The following RBM42 variants were observed in gnomAD, a reference collection of about 807,000 sequenced individuals.
RBM42 encodes the protein RNA binding motif protein 42, also known as RNA-binding protein 42.
RBM42 carries 21 observed loss-of-function variants against 41.4 expected under a neutral mutation model. The ratio of observed to expected loss-of-function variants is 0.51; its 90% CI spans 0.36 to 0.73. RBM42 has a LOEUF of 0.73. Among genes scored for constraint, RBM42 ranks in the 30% least tolerant of loss-of-function variants. RBM42 has a pLI of 0.00. For missense variants in RBM42, 539 were observed against 680.4 expected, an observed-to-expected ratio of 0.79 and a Z score of 2.31; for synonymous variants, 272 against 271.2, an observed-to-expected ratio of 1.00 and a Z score of -0.03.
Position 35,629,501 on chromosome 19 carries a change from G to A in RBM42, c.129-19G>A, listed in dbSNP as rs1599604538. On this transcript the variant is annotated intron_variant, in intron 1 of 9. Coordinates refer to ENST00000262633, the MANE Select transcript of RBM42 (RefSeq NM_024321.5). ...TTGGTACGAGGTCCTGAGCGCTGAT[G>A]TCTGTTCTACTCCTCCAGGTTTGAG... 1 of 1,613,876 alleles carries A rather than the reference G, an allele frequency of 6.2e-7. No individual in the cohort carries two copies. Among genetic ancestry groups the A allele is most frequent in the Non-Finnish European group, 8.5e-7 (1 of 1,179,834 alleles).
At chr19:35,633,467 G>T (rs929653504) in intron 6 of RBM42, among the ~76,000 whole-genome samples, 6 of 152,210 alleles carry the variant, frequency 3.9e-5, no homozygotes, top group Admixed American at 6.5e-5. Context: ...CATGCTATTG[G>T]AATATTTCTC....
At position 35,629,282 on chromosome 19, in the gene RBM42, G is replaced by A. The variant is rs761295039; in HGVS notation, c.128+1G>A. On this transcript the variant is annotated splice_donor_variant, in intron 1 of 9. Transcript: ENST00000262633. LOFTEE classifies it high-confidence loss of function. Reference sequence around the variant, plus strand: ...AGGAAATGGAGGCGGAGATGGCCCTGTAAGGCCCGCGACAGAGAGTGATAA... The same window carrying A: ...AGGAAATGGAGGCGGAGATGGCCCTATAAGGCCCGCGACAGAGAGTGATAA... 2 of 1,526,272 alleles carry A rather than the reference G, an allele frequency of 1.3e-6. No homozygotes were observed. Among genetic ancestry groups the A allele is most frequent in the Non-Finnish European group, 1.8e-6 (2 of 1,140,268 alleles). The allele number at this position is 1,526,272 out of a possible 1,614,324, so 94.5% of individuals were successfully genotyped here.
At chr19:35,636,613 T>C (rs915807052) in intron 8 of RBM42, among the ~76,000 whole-genome samples, 3 of 152,132 alleles carry the variant, frequency 2.0e-5, no homozygotes, top group Admixed American at 6.6e-5. Context: ...GCAGGCAGCA[T>C]GTCCAGGTCT....
intron 8 of RBM42, among the ~76,000 whole-genome samples, 172 bp from the exon 9 acceptor site, chr19:35,636,986 C>T (rs548963849): frequency 6.6e-6 from 1 of 152,052 alleles, no homozygotes; most frequent in South Asian, 2.1e-4. Context: ...ATGGAAACAC[C>T]CCTCCAGGTG....
rs762886353 is a variant in RBM42 at position 35,637,327 on chromosome 19, C to A, written c.1305C>A (p.Tyr435Ter). The A allele has an allele frequency of 8.1e-6, 13 of 1,614,246 alleles. No homozygotes were observed. Among genetic ancestry groups the A allele is most frequent in the Admixed American group, 1.7e-5 (1 of 60,034 alleles). The change falls in exon 9 of 10, where the codon TAC becomes TAA. Residue 435 changes from tyrosine (Y) to a stop codon, truncating the protein, a stop_gained. Coordinates refer to ENST00000262633, the MANE Select transcript of RBM42 (RefSeq NM_024321.5). LOFTEE classifies it high-confidence loss of function. The surrounding 1 kb of genome is among the most constrained non-coding windows in gnomAD (Gnocchi z 7.0). ...GFVSFKDPSDYVRAMREMNGK... is the reference protein window; with the variant it reads ...GFVSFKDPSD The stretch of plus-strand genomic sequence containing the variant: ...TCAGCTTCAAGGACCCCAGCGACTA[C>A]GTGCGCGCCATGCGTGAGATGAATG...
Position 35,633,082 on chromosome 19 carries a change from G to A in RBM42, c.514G>A (p.Ala172Thr), listed in dbSNP as rs748705260. 2.2e-5 allele frequency: 35 copies of A among 1,612,318 alleles called. No homozygotes were observed. The highest frequency in any genetic ancestry group is 1.6e-4 in the Middle Eastern group (1 of 6,082). The change falls in exon 6 of 10, where the codon GCT (alanine) becomes ACT (threonine). Residue 172 changes from alanine to threonine, a missense_variant. Coordinates refer to ENST00000262633, the MANE Select transcript of RBM42 (RefSeq NM_024321.5). ...CCCCACTAACACCCTGACAGATTCC[G>A]CTCTCTCCTCTGCAGCAGCCGGCCC... Reference protein sequence around the residue: ...VPHVLQRADSALSSAAAGPRP... With the variant: ...VPHVLQRADSTLSSAAAGPRP...
intron 4 of RBM42, 60 bp from the exon 5 acceptor site, chr19:35,632,876 C>A: frequency 1.3e-6 from 1 of 780,746 alleles, no homozygotes. Flanking sequence ...TGCACACACA[C>A]ACCTTGTCCC....
Position 35,633,669 on chromosome 19 carries a change from C to T in RBM42, c.685-18C>T, listed in dbSNP as rs375788535. On this transcript the variant is annotated intron_variant, in intron 6 of 9. Transcript: ENST00000262633. The stretch of plus-strand genomic sequence containing the variant: ...AGCCTGTGAGCCGGCCCCCCTCATG[C>T]TCTCCTCTTACCCACAGGAAGAGCC... 7.0e-7 allele frequency: 1 copy of T among 1,424,494 alleles called. No individual in the cohort carries two copies. Among genetic ancestry groups the T allele is most frequent in the African/African-American group, 1.5e-5 (1 of 67,184 alleles). The allele number at this position is 1,424,494 out of a possible 1,614,324, so 88.2% of individuals were successfully genotyped here.
chr19:35,631,885 T>A, intron 4 of RBM42: 1 of 162,618 alleles, frequency 6.1e-6, no homozygotes, highest in East Asian at 1.9e-4. Context: ...CGAACATTTC[T>A]GGGATGTGCC....
chr19:35,630,765 CA>C (rs1318282625), intron 2 of RBM42, among the ~76,000 whole-genome samples: 1 of 151,656 alleles, frequency 6.6e-6, no homozygotes, highest in Non-Finnish European at 1.5e-5. Flanking sequence ...GACTCCGTCT[CA>C]AAAAAAAGAC....
At chr19:35,629,783 C>T (rs1967373201) in intron 2 of RBM42, 110 bp downstream of exon 2, 1 of 1,161,820 alleles carries the variant, frequency 8.6e-7, no homozygotes, top group Non-Finnish European at 1.2e-6. Flanking sequence ...ATTAGCATGA[C>T]AAATATTTTA....
intron 4 of RBM42, chr19:35,631,616 T>C (rs2146349503): frequency 1.7e-6 from 1 of 594,434 alleles, no homozygotes; most frequent in South Asian, 2.0e-5. Context: ...CTGCTGTCAG[T>C]CCTAATTCCC....
intron 4 of RBM42, 56 bp downstream of exon 4, chr19:35,631,461 T>C: frequency 1.3e-6 from 2 of 1,507,208 alleles, no homozygotes; most frequent in Non-Finnish European, 1.8e-6. Context: ...TTTACATGAC[T>C]TCAGCCTCTT....
rs1055850244 is a variant in RBM42, at chr19:35,631,624, C to A, written c.442+219C>A. On this transcript the variant is annotated intron_variant, in intron 4 of 9. Transcript: ENST00000262633. ...AACCCTCCTGCTGTCAGTCCTAATT[C>A]CCAGTTACCACAGCACTTAACACCT... The A allele has an allele frequency of 8.4e-6, 5 of 592,016 alleles. No homozygotes were observed. In the East Asian group the frequency reaches 1.1e-4, roughly 13 times the overall value. The allele number at this position is 592,016 out of a possible 1,614,324, so 36.7% of individuals were successfully genotyped here.
intron 8 of RBM42, among the ~76,000 whole-genome samples, chr19:35,636,126 G>A (rs1306702878): frequency 1.3e-5 from 2 of 151,120 alleles, no homozygotes; most frequent in African/African-American, 4.9e-5. Flanking sequence ...AAGTCACTTA[G>A]CCTGGTTTTG....
chr19:35,637,656 C>T lies in RBM42; in HGVS notation c.*102C>T. The T allele has an allele frequency of 1.1e-6, 1 of 874,530 alleles. No homozygotes were observed. The highest frequency in any genetic ancestry group is 1.8e-6 in the Non-Finnish European group (1 of 558,802). 54.2% of individuals were successfully genotyped at this position (874,530 alleles called of 1,614,324 possible). On this transcript the variant is annotated 3_prime_UTR_variant, in exon 10 of 10. Transcript: ENST00000262633. The surrounding 1 kb of genome is among the most constrained non-coding windows in gnomAD (Gnocchi z 7.0). ...TGTCCACCCATCCCCTGCCCCAAAA[C>T]CAGTTTCAATAAATTTACGTTCATT...
chr19:35,629,637 G>A lies in RBM42; in HGVS notation c.246G>A (p.Val82=), dbSNP rs200853423. ...VEAMQVPAAP[V]IRPIIATNTY... ...CGATGCAGGTCCCAGCGGCTCCTGT[G>A]ATCCGCCCAATTATCGCGACCAACA... The change falls in exon 2 of 10, where the codon GTG becomes GTA. Residue 82 remains valine (V), a synonymous_variant. Coordinates refer to ENST00000262633, the MANE Select transcript of RBM42 (RefSeq NM_024321.5). 1.2e-6 allele frequency: 2 copies of A among 1,614,216 alleles called. No individual in the cohort carries two copies. The highest frequency in any genetic ancestry group is 4.5e-5 in the East Asian group (2 of 44,886).
intron 8 of RBM42, among the ~76,000 whole-genome samples, chr19:35,635,795 C>T (rs2146353444): frequency 6.6e-6 from 1 of 152,302 alleles, no homozygotes; most frequent in African/African-American, 2.4e-5. Flanking sequence ...GCTGGGATTA[C>T]AGGCATAAGC....
rs1335787533 is a variant in RBM42 at position 35,632,166 on chromosome 19, T to C, written c.442+761T>C. On this transcript the variant is annotated intron_variant, in intron 4 of 9. Coordinates refer to ENST00000262633, the MANE Select transcript of RBM42 (RefSeq NM_024321.5). Reference sequence around the variant, plus strand: ...AATCCTGTTATACTTATTAATCTGATGATCTCTGAGAAGTTGTAATGTCTC... The same window carrying C: ...AATCCTGTTATACTTATTAATCTGACGATCTCTGAGAAGTTGTAATGTCTC... Among the ~76,000 whole-genome samples the C allele has an allele frequency of 2.6e-5, 4 of 152,224 alleles. No individual in the cohort carries two copies. In the East Asian group the frequency reaches 7.7e-4, roughly 29 times the overall value.
Sources: allele counts gnomAD v4.1 joint callset (sites outside exome capture counted in the v4.1 genomes callset), GRCh38; gene constraint gnomAD v4.1.1; non-coding constraint Gnocchi (gnomAD v3.1); transcripts MANE v1.5; gene names NCBI Gene and HGNC (gene_info 2026-07-23, HGNC 2026-07-21).